PDE4D: variants seen among roughly 807,000 people sequenced by gnomAD.
The protein encoded by PDE4D is phosphodiesterase 4D, also known as 3',5'-cyclic-AMP phosphodiesterase 4D.
In PDE4D, 24 loss-of-function variants were observed where a neutral mutation model predicts 87.4. The ratio of observed to expected loss-of-function variants is 0.27; its 90% confidence interval spans 0.20 to 0.39. PDE4D has a LOEUF of 0.39. Ranked by LOEUF, PDE4D falls within the 10% of genes least tolerant of loss-of-function variation. PDE4D has a pLI of 1.00. For synonymous variants in PDE4D, 384 were observed against 383.2 expected (o/e 1.00, Z -0.02); for missense variants, 714 against 1,041.0 (o/e 0.69, Z 4.32).
chr5:58,999,821 C>A, intron 6 of PDE4D: 2 of 994,510 alleles, frequency 2.0e-6, no homozygotes, highest in Non-Finnish European at 2.4e-6. Context: ...ATCTAAAGAT[C>A]TAAGGGTCTG....
At chr5:59,616,922 T>C (rs1449421631) in intron 1 of PDE4D, among the ~76,000 whole-genome samples, 1 of 118,042 alleles carries the variant, frequency 8.5e-6, no homozygotes, top group African/African-American at 3.4e-5. Context: ...TAATTACATA[T>C]ATATATATAT....
At chr5:59,367,376 A>G (rs952858739) in intron 1 of PDE4D, among the ~76,000 whole-genome samples, 3 of 152,200 alleles carry the variant, frequency 2.0e-5, no homozygotes, top group African/African-American at 7.2e-5. Context: ...AGAATGATAG[A>G]TGTTTTTAAA....
intron 1 of PDE4D, among the ~76,000 whole-genome samples, chr5:60,262,115 G>A (rs2149705802): frequency 6.6e-6 from 1 of 152,092 alleles, no homozygotes; most frequent in Admixed American, 6.5e-5. Flanking sequence ...CACCCACAAA[G>A]CCTACTATCA....
At chr5:59,009,380 A>C (rs1752308190) in intron 6 of PDE4D, among the ~76,000 whole-genome samples, 1 of 152,206 alleles carries the variant, frequency 6.6e-6, no homozygotes, top group African/African-American at 2.4e-5. Flanking sequence ...CATACTGGAA[A>C]AAAATGAAAT....
chr5:60,331,581 C>T (rs1197717107), intron 1 of PDE4D, among the ~76,000 whole-genome samples: 1 of 152,180 alleles, frequency 6.6e-6, no homozygotes, highest in African/African-American at 2.4e-5. Flanking sequence ...TTTTGGACTA[C>T]CCTGGCAGGA....
At chr5:59,486,078 A>T (rs1187131477) in intron 1 of PDE4D, among the ~76,000 whole-genome samples, 2 of 152,064 alleles carry the variant, frequency 1.3e-5, no homozygotes. Context: ...CACTATCATG[A>T]TATAAAATAT....
At chr5:60,103,481 GATTT>G (rs1776472805) in intron 2 of PDE4D, among the ~76,000 whole-genome samples, 2 of 152,290 alleles carry the variant, frequency 1.3e-5, no homozygotes, top group East Asian at 3.9e-4. Context: ...AGAAAGATGA[GATTT>G]ATTAAACAGG....
At chr5:59,297,376 C>T (rs1769297010) in intron 1 of PDE4D, among the ~76,000 whole-genome samples, 1 of 152,112 alleles carries the variant, frequency 6.6e-6, no homozygotes. Flanking sequence ...AGAATATTAT[C>T]ACATACTTAG....
chr5:59,087,318 C>T (rs1350118895), intron 5 of PDE4D, among the ~76,000 whole-genome samples: 1 of 151,980 alleles, frequency 6.6e-6, no homozygotes, highest in Non-Finnish European at 1.5e-5. Context: ...GACCTTGTCT[C>T]TACAAAAATT....
chr5:59,154,951 C>T (rs186468325), intron 5 of PDE4D, among the ~76,000 whole-genome samples: 237 of 152,260 alleles, frequency 1.6e-3, no homozygotes, highest in Middle Eastern at 3.4e-3. Context: ...AAGTTTCGAT[C>T]TTGGCTAAAA....
intron 6 of PDE4D, among the ~76,000 whole-genome samples, chr5:58,997,317 A>G (rs1176340691): frequency 6.6e-6 from 1 of 152,028 alleles, no homozygotes; most frequent in Non-Finnish European, 1.5e-5. Context: ...TAGATGTACT[A>G]AAAAAATGCA....
chr5:59,912,933 T>C (rs993820010), intron 3 of PDE4D, among the ~76,000 whole-genome samples: 5 of 152,162 alleles, frequency 3.3e-5, no homozygotes, highest in African/African-American at 9.7e-5. Context: ...CTGCTTTAGA[T>C]TGGGTGCCAG....
chr5:59,944,454 G>A (rs1345657946), intron 3 of PDE4D, among the ~76,000 whole-genome samples: 1 of 152,090 alleles, frequency 6.6e-6, no homozygotes, highest in Non-Finnish European at 1.5e-5. Context: ...CTAACTGCAA[G>A]CTCCGCCTCC....
chr5:60,072,058 A>C (rs71627983), intron 2 of PDE4D, among the ~76,000 whole-genome samples: 21,391 of 152,158 alleles, frequency 0.14, 1,556 homozygotes, highest in Middle Eastern at 0.22. Context: ...GCTGGGTTGA[A>C]AGGTAGTTCT....
chr5:59,098,964 A>G (rs998358241), intron 5 of PDE4D, among the ~76,000 whole-genome samples: 1 of 152,152 alleles, frequency 6.6e-6, no homozygotes, highest in Non-Finnish European at 1.5e-5. Flanking sequence ...TCTAGGCAGG[A>G]GCTCCCTCTG....
At chr5:59,856,870 T>G (rs2152724164) in intron 1 of PDE4D, among the ~76,000 whole-genome samples, 1 of 152,280 alleles carries the variant, frequency 6.6e-6, no homozygotes, top group South Asian at 2.1e-4. Flanking sequence ...TTTCAAAAGC[T>G]TATATTTCAA....
intron 5 of PDE4D, among the ~76,000 whole-genome samples, chr5:59,119,485 T>C (rs1030954847): frequency 6.6e-6 from 1 of 152,224 alleles, no homozygotes; most frequent in African/African-American, 2.4e-5. Context: ...CCTAATTTCA[T>C]GAAAGCTGAT....
Position 59,060,520 on chromosome 5 carries a change from A to G in PDE4D, c.809-21549T>C, listed in dbSNP as rs527945957. Among the ~76,000 whole-genome samples, 4 of 152,246 alleles carry G rather than the reference A, an allele frequency of 2.6e-5. No homozygotes were observed. The South Asian group carries it at 8.3e-4, about 32-fold the overall frequency. ...GATGTTCAATAAACATCTCAAATTT[A>G]ACATATCTATAAAAATTTTTTAAAT... is the stretch of plus-strand genomic sequence containing the variant. On this transcript the variant is annotated intron_variant, in intron 5 of 14. Coordinates refer to ENST00000340635, the MANE Select transcript of PDE4D (RefSeq NM_001104631.2).
intron 3 of PDE4D, among the ~76,000 whole-genome samples, chr5:59,187,274 ATAT>A (rs1401790749): frequency 1.3e-5 from 2 of 152,228 alleles, no homozygotes; most frequent in East Asian, 1.9e-4. Context: ...ATCTAATTTA[ATAT>A]TATTTTGTCT....
Sources: allele counts gnomAD v4.1 joint callset (sites outside exome capture counted in the v4.1 genomes callset), GRCh38; gene constraint gnomAD v4.1.1; transcripts MANE v1.5; gene names NCBI Gene and HGNC (gene_info 2026-07-23, HGNC 2026-07-21).